LMBR1: variants seen among roughly 807,000 people sequenced by gnomAD.
LMBR1 encodes the protein limb development membrane protein 1, also known as limb region 1 protein homolog.
Under a neutral mutation model 73.9 loss-of-function variants are expected in LMBR1, and 52 were observed. That is an observed-to-expected ratio of 0.70 (90% CI 0.56 to 0.89). The LOEUF is 0.89. Ranked by LOEUF, LMBR1 falls within the 40% of genes least tolerant of loss-of-function variation. The probability of loss-of-function intolerance (pLI) is 0.00; values close to 1 mark genes in which losing one functional copy is unlikely to be tolerated. For missense variants in LMBR1, 539 were observed against 579.8 expected, an observed-to-expected ratio of 0.93 and a Z score of 0.72; for synonymous variants, 215 against 209.4, an observed-to-expected ratio of 1.03 and a Z score of -0.23.
chr7:156,761,496 T>C (rs1415297128), intron 8 of LMBR1, among the ~76,000 whole-genome samples: 1 of 152,144 alleles, frequency 6.6e-6, no homozygotes, highest in East Asian at 1.9e-4. Context: ...CATGTAAATT[T>C]TGAAACATAA....
intron 15 of LMBR1, among the ~76,000 whole-genome samples, chr7:156,707,833 C>T (rs923411646): frequency 6.6e-6 from 1 of 152,050 alleles, no homozygotes; most frequent in Non-Finnish European, 1.5e-5. Flanking sequence ...CAGTTCTAGC[C>T]AGAACAATCA....
intron 15 of LMBR1, among the ~76,000 whole-genome samples, chr7:156,714,021 G>A (rs933606207): frequency 2.0e-5 from 3 of 152,108 alleles, no homozygotes; most frequent in Non-Finnish European, 2.9e-5. Flanking sequence ...TTCCCTTCAC[G>A]GTATTGATAG....
intron 5 of LMBR1, among the ~76,000 whole-genome samples, chr7:156,767,619 G>T (rs559283763): frequency 7.9e-5 from 12 of 151,682 alleles, no homozygotes; most frequent in African/African-American, 2.4e-4. Flanking sequence ...AATAAAACTA[G>T]TAACAGTAAT....
chr7:156,881,945 A>T (rs1209237442), intron 1 of LMBR1, among the ~76,000 whole-genome samples: 1 of 152,112 alleles, frequency 6.6e-6, no homozygotes, highest in East Asian at 1.9e-4. Context: ...AAACAAAACT[A>T]CCGTATGATT....
At chr7:156,761,272 G>A (rs1822935202) in intron 8 of LMBR1, among the ~76,000 whole-genome samples, 1 of 152,142 alleles carries the variant, frequency 6.6e-6, no homozygotes, top group South Asian at 2.1e-4. Context: ...AGATTTCCTA[G>A]GGGCAGCTAA....
chr7:156,872,010 A>C (rs185921442), intron 1 of LMBR1: 7 of 152,232 alleles, frequency 4.6e-5, no homozygotes, highest in Admixed American at 4.6e-4. Context: ...GTCCATTTGC[A>C]TAAGACATAA....
intron 5 of LMBR1, among the ~76,000 whole-genome samples, chr7:156,787,371 T>C (rs1175776319): frequency 2.6e-5 from 4 of 152,340 alleles, no homozygotes; most frequent in Admixed American, 6.5e-5. Context: ...AACTTATCTA[T>C]GTACTTAATA....
intron 15 of LMBR1, among the ~76,000 whole-genome samples, chr7:156,712,482 T>C (rs563511372): frequency 5.1e-4 from 78 of 152,290 alleles, no homozygotes; most frequent in African/African-American, 1.8e-3. Flanking sequence ...AAAATAGAAC[T>C]ACCATCTGAT....
At chr7:156,820,782 T>C (rs1380792839) in intron 4 of LMBR1, among the ~76,000 whole-genome samples, 1 of 152,152 alleles carries the variant, frequency 6.6e-6, no homozygotes, top group Admixed American at 6.5e-5. Context: ...TGGTTTTGAG[T>C]ACAGCCCAGA....
chr7:156,843,835 C>CA (rs11288663), intron 1 of LMBR1, among the ~76,000 whole-genome samples: 24,474 of 120,684 alleles, frequency 0.2, 2,274 homozygotes, highest in Middle Eastern at 0.23. Flanking sequence ...GACCCTGTCT[C>CA]AAAAAAAAAA....
chr7:156,811,377 C>T lies in LMBR1; in HGVS notation c.320-14885G>A, dbSNP rs1479027532. Reference sequence around the variant, plus strand: ...CTGTAATCCCAGCACTTTGGGAGGCCGAGGCAGGTGGATCACGAGGTCAAG... The same window carrying T: ...CTGTAATCCCAGCACTTTGGGAGGCTGAGGCAGGTGGATCACGAGGTCAAG... On this transcript the variant is annotated intron_variant, in intron 4 of 16. Transcript: ENST00000353442. 3.3e-5 allele frequency among the ~76,000 whole-genome samples: 5 copies of T among 151,738 alleles called. No homozygotes were observed. In the South Asian group the frequency reaches 8.4e-4, roughly 25 times the overall value.
intron 5 of LMBR1, among the ~76,000 whole-genome samples, chr7:156,772,012 A>T (rs1431956651): frequency 6.6e-6 from 1 of 152,210 alleles, no homozygotes; most frequent in Non-Finnish European, 1.5e-5. Context: ...GTGGTGGCTC[A>T]TGTCTGTAAT....
At chr7:156,821,838 C>T (rs556796393) in intron 4 of LMBR1, among the ~76,000 whole-genome samples, 1 of 152,180 alleles carries the variant, frequency 6.6e-6, no homozygotes, top group Non-Finnish European at 1.5e-5. Flanking sequence ...ATGGTAGGGA[C>T]GGAGATCATA....
At chr7:156,853,970 T>TAAA (rs202144239) in intron 1 of LMBR1, among the ~76,000 whole-genome samples, 7 of 135,004 alleles carry the variant, frequency 5.2e-5, no homozygotes, top group African/African-American at 5.5e-5. Context: ...AGAATAAAAT[T>TAAA]AAAAAAAAAA....
At chr7:156,837,411 A>G (rs114357539) in intron 1 of LMBR1, among the ~76,000 whole-genome samples, 4,074 of 138,394 alleles carry the variant, frequency 0.029, 196 homozygotes, top group African/African-American at 0.11. Flanking sequence ...ATACCATTTG[A>G]AAAAAAAAAA....
In LMBR1 at chr7:156,870,479, C is replaced by A. The variant is rs546921968; in HGVS notation, c.66+22449G>T. Among the ~76,000 whole-genome samples the A allele has an allele frequency of 4.6e-5, 7 of 152,252 alleles. No individual in the cohort carries two copies. In the East Asian group the frequency reaches 1.3e-3, roughly 29 times the overall value. The stretch of plus-strand genomic sequence containing the variant: ...AAAAAAAGGAAATTAGAAAATATCT[C>A]AAGATGCCGGGCGCAGTGGCTCACG... On this transcript the variant is annotated intron_variant, in intron 1 of 16. Transcript: ENST00000353442.
downstream of LMBR1, chr7:156,675,793 T>C (rs1177332619): frequency 6.2e-7 from 1 of 1,614,134 alleles, no homozygotes; most frequent in Admixed American, 1.7e-5. Flanking sequence ...AATCGAAGTG[T>C]TCTTCAGCAG....
intron 1 of LMBR1, chr7:156,872,349 G>T (rs4716657): frequency 1 from 152,032 of 152,246 alleles, 75,911 homozygotes; most frequent in Middle Eastern, 1. Flanking sequence ...AAAAAAAGAA[G>T]AAAATACCTA....
At chr7:156,892,756 A>AGGGGAGGGGAGAGGTGGGG (rs1803346173) in intron 1 of LMBR1, among the ~76,000 whole-genome samples, 172 bp downstream of exon 1, 1 of 83,586 alleles carries the variant, frequency 1.2e-5, no homozygotes, top group Non-Finnish European at 2.5e-5. Context: ...GTGGGGAGGG[A>AGGGGAGGGGAGAGGTGGGG]AGGGGAGGGG....
Sources: allele counts gnomAD v4.1 joint callset (sites outside exome capture counted in the v4.1 genomes callset), GRCh38; gene constraint gnomAD v4.1.1; transcripts MANE v1.5; gene names NCBI Gene and HGNC (gene_info 2026-07-23, HGNC 2026-07-21).